MYRFL: variants seen among roughly 807,000 people sequenced by gnomAD.
MYRFL encodes myelin regulatory factor like, also known as myelin regulatory factor-like protein.
Under a neutral mutation model 109.4 loss-of-function variants are expected in MYRFL, and 88 were observed. That is an observed-to-expected ratio of 0.80 (90% CI 0.68 to 0.96). The LOEUF is 0.96. Among genes scored for constraint, MYRFL ranks in the 40% least tolerant of loss-of-function variants. The pLI is 0.00. For synonymous variants in MYRFL, 324 were observed against 320.9 expected (o/e 1.01, Z -0.10); for missense variants, 957 against 954.9 (o/e 1.00, Z -0.03).
At chr12:69,836,225 G>A (rs923633207) in intron 1 of MYRFL, among the ~76,000 whole-genome samples, 17 of 152,286 alleles carry the variant, frequency 1.1e-4, no homozygotes, top group South Asian at 2.1e-4. Context: ...ACGTCCAGCC[G>A]CCTGTGTGTT....
intron 21 of MYRFL, among the ~76,000 whole-genome samples, chr12:69,953,557 G>C (rs1956029501): frequency 6.6e-6 from 1 of 152,110 alleles, no homozygotes; most frequent in African/African-American, 2.4e-5. Flanking sequence ...CTTGAGCCGA[G>C]TTAAAGGTCA....
intron 2 of MYRFL, among the ~76,000 whole-genome samples, chr12:69,874,962 T>A (rs1288489137): frequency 1.3e-5 from 2 of 151,410 alleles, no homozygotes; most frequent in African/African-American, 2.4e-5. Context: ...AATGTATGTA[T>A]CTTTAAAGAT....
rs540660166 is a variant in MYRFL at position 69,870,143 on chromosome 12, C to G, written c.138-8885C>G. 1.0e-4 allele frequency among the ~76,000 whole-genome samples: 11 copies of G among 105,608 alleles called. No individual in the cohort carries two copies. The South Asian group carries it at 3.1e-3, about 30-fold the overall frequency. The allele number at this position is 105,608 out of a possible 152,430, so 69.3% of individuals were successfully genotyped here. ...TTTTTTTTTGGGACAGAGTCTCACTCTGTTGCCCAGGCTGGAGGGCAGTGT... is the reference window on the plus strand; with the variant it reads ...TTTTTTTTTGGGACAGAGTCTCACTGTGTTGCCCAGGCTGGAGGGCAGTGT... On this transcript the variant is annotated intron_variant, in intron 2 of 24. Coordinates refer to ENST00000552032, the MANE Select transcript of MYRFL (RefSeq NM_182530.3).
chr12:69,886,990 TGGAGAGTGAGG>T lies in MYRFL; in HGVS notation c.707+26_707+36del, dbSNP rs1886498003. 7 of 1,535,130 alleles carry T rather than the reference TGGAGAGTGAGG, an allele frequency of 4.6e-6. No individual in the cohort carries two copies. The highest frequency in any genetic ancestry group is 2.0e-5 in the Admixed American group (1 of 50,946). ...AAAACTGTAAGTGGCTTGAGTGGGC[TGGAGAGTGAGG>T]GGAGAAAGACAGTGCTAAATCTCAG... is the stretch of plus-strand genomic sequence containing the variant. On this transcript the variant is annotated intron_variant, in intron 6 of 24. Coordinates refer to ENST00000552032, the MANE Select transcript of MYRFL (RefSeq NM_182530.3).
chr12:69,882,862 A>C (rs544418552), intron 5 of MYRFL, among the ~76,000 whole-genome samples: 2 of 152,208 alleles, frequency 1.3e-5, no homozygotes, highest in Non-Finnish European at 2.9e-5. Flanking sequence ...TAAGAGGTGC[A>C]CTGGCTGAAT....
intron 2 of MYRFL, among the ~76,000 whole-genome samples, chr12:69,869,707 A>G (rs534877423): frequency 1.2e-4 from 18 of 152,296 alleles, no homozygotes; most frequent in Admixed American, 2.6e-4. Context: ...TTCATTGGAG[A>G]AAACTAGGAT....
intron 9 of MYRFL, 127 bp downstream of exon 9, chr12:69,895,608 C>T: frequency 1.5e-6 from 1 of 645,436 alleles, no homozygotes; most frequent in East Asian, 2.8e-5. Context: ...AGCCACTTTC[C>T]TCCCTTCTCT....
chr12:69,842,007 A>G (rs1265611214), intron 1 of MYRFL, among the ~76,000 whole-genome samples: 4 of 152,198 alleles, frequency 2.6e-5, no homozygotes, highest in Non-Finnish European at 5.9e-5. Context: ...GAGGCTAGCT[A>G]ACTTATCCTG....
chr12:69,909,562 T>A (rs1954485727), intron 11 of MYRFL, among the ~76,000 whole-genome samples: 1 of 152,178 alleles, frequency 6.6e-6, no homozygotes, highest in African/African-American at 2.4e-5. Context: ...AAAAAAAAAA[T>A]TCTGCTATTA....
At chr12:69,860,153 A>C (rs1884553563) in intron 2 of MYRFL, among the ~76,000 whole-genome samples, 1 of 152,054 alleles carries the variant, frequency 6.6e-6, no homozygotes, top group South Asian at 2.1e-4. Flanking sequence ...CCTTGTGTTC[A>C]TGTGTTCTCA....
Position 69,854,110 on chromosome 12 carries a change from C to T in MYRFL, c.47-1170C>T, listed in dbSNP as rs530595138. Among the ~76,000 whole-genome samples the T allele has an allele frequency of 4.3e-3, 662 of 152,304 alleles. 1 individual carries two copies. The highest frequency in any genetic ancestry group is 6.9e-3 in the African/African-American group (287 of 41,574). ...CTGCAATCCCGGCACCTCGGGAGGC[C>T]GAGGCGGGCAGATCACTCGCGGTCA... On this transcript the variant is annotated intron_variant, in intron 1 of 24. Coordinates refer to ENST00000552032, the MANE Select transcript of MYRFL (RefSeq NM_182530.3).
intron 6 of MYRFL, among the ~76,000 whole-genome samples, chr12:69,888,996 C>T (rs1886626233): frequency 6.6e-6 from 1 of 152,152 alleles, no homozygotes; most frequent in Admixed American, 6.5e-5. Flanking sequence ...TAGTCAATGA[C>T]TCAGTAACTT....
At chr12:69,847,776 C>A (rs1226219693) in intron 1 of MYRFL, among the ~76,000 whole-genome samples, 1 of 152,146 alleles carries the variant, frequency 6.6e-6, no homozygotes, top group African/African-American at 2.4e-5. Flanking sequence ...TATAGGCAAT[C>A]ATTAAGAAGC....
chr12:69,868,982 T>TCACACATGCACA (rs1252837333), intron 2 of MYRFL, among the ~76,000 whole-genome samples: 9 of 151,610 alleles, frequency 5.9e-5, no homozygotes, highest in African/African-American at 1.7e-4. Flanking sequence ...ACACATGCAC[T>TCACACATGCACA]CACACATGCA....
At chr12:69,890,739 A>G (rs1886748522) in intron 6 of MYRFL, among the ~76,000 whole-genome samples, 1 of 152,240 alleles carries the variant, frequency 6.6e-6, no homozygotes, top group Non-Finnish European at 1.5e-5. Context: ...TCTCAAAAAA[A>G]GAAAGATTGT....
At chr12:69,943,201 C>G (rs546075702) in intron 19 of MYRFL, among the ~76,000 whole-genome samples, 1 of 151,714 alleles carries the variant, frequency 6.6e-6, no homozygotes, top group Non-Finnish European at 1.5e-5. Flanking sequence ...TCATATGGAA[C>G]GAAAAAACAG....
chr12:69,876,642 T>C (rs1289994027), intron 2 of MYRFL, among the ~76,000 whole-genome samples: 1 of 152,216 alleles, frequency 6.6e-6, no homozygotes, highest in East Asian at 1.9e-4. Flanking sequence ...CAAGGATGAA[T>C]TTCTTGGTAG....
Position 69,881,121 on chromosome 12 carries a change from C to CTGTTTGTT in MYRFL, c.556+840_556+847dup, listed in dbSNP as rs112768670. The stretch of plus-strand genomic sequence containing the variant: ...AAAGGATAACACTCTAGGCCAGTTT[C>CTGTTTGTT]TGTTTGTTTGTTTGTTTGCTTATTT... On this transcript the variant is annotated intron_variant, in intron 5 of 24. Transcript: ENST00000552032. Among the ~76,000 whole-genome samples, 727 of 150,996 alleles carry CTGTTTGTT rather than the reference C, an allele frequency of 4.8e-3. 10 individuals carry two copies. The highest frequency in any genetic ancestry group is 0.016 in the African/African-American group (659 of 41,080).
At position 69,903,718 on chromosome 12, in the gene MYRFL, C is replaced by CT. The variant is rs1954262709; in HGVS notation, c.1258dup (p.Cys420LeufsTer33). On this transcript the variant is annotated frameshift_variant, in exon 11 of 25. Coordinates refer to ENST00000552032, the MANE Select transcript of MYRFL (RefSeq NM_182530.3). LOFTEE classifies it high-confidence loss of function. Reference sequence around the variant, plus strand: ...GAGGACAAGTTCCAGAATCTATTGTCTGTCACGGTCGAGTAGGAATCAACA... The same window carrying CT: ...GAGGACAAGTTCCAGAATCTATTGTCTTGTCACGGTCGAGTAGGAATCAACA... 6.5e-7 allele frequency: 1 copy of CT among 1,535,786 alleles called. No individual in the cohort carries two copies. Among genetic ancestry groups the CT allele is most frequent in the South Asian group, 1.2e-5 (1 of 84,052 alleles).
Sources: allele counts gnomAD v4.1 joint callset (sites outside exome capture counted in the v4.1 genomes callset), GRCh38; gene constraint gnomAD v4.1.1; transcripts MANE v1.5; gene names NCBI Gene and HGNC (gene_info 2026-07-23, HGNC 2026-07-21).